FAAP20: variants seen among roughly 807,000 people sequenced by gnomAD.
FAAP20 encodes FA core complex associated protein 20.
FAAP20 carries 12 observed loss-of-function variants against 16.2 expected under a neutral mutation model. The ratio of observed to expected loss-of-function variants is 0.74; its 90% CI spans 0.48 to 1.20. The LOEUF (loss-of-function observed/expected upper bound fraction) is 1.20. Ranked by LOEUF, FAAP20 falls within the 50% of genes most tolerant of loss-of-function variation. FAAP20 has a pLI of 0.00. For missense variants in FAAP20, 288 were observed against 245.8 expected (o/e 1.17, Z -1.15); for synonymous variants, 141 against 110.7 (o/e 1.27, Z -1.72).
downstream of FAAP20, among the ~76,000 whole-genome samples, chr1:2,188,718 AC>A (rs964566217): frequency 3.7e-4 from 56 of 152,148 alleles, no homozygotes; most frequent in African/African-American, 1.3e-3. Flanking sequence ...TTAAAACACC[AC>A]CGATGGTGGA....
downstream of FAAP20, among the ~76,000 whole-genome samples, chr1:2,208,660 G>C (rs902530975): frequency 1.3e-5 from 2 of 152,200 alleles, no homozygotes; most frequent in African/African-American, 4.8e-5. Flanking sequence ...GAATGTGCCT[G>C]TTTATGTAAC....
chr1:2,186,734 G>A (rs1458255692), downstream of FAAP20: 2 of 154,582 alleles, frequency 1.3e-5, no homozygotes, highest in Non-Finnish European at 2.9e-5. Flanking sequence ...GGGCTGCCGG[G>A]ACCCCACCTT....
chr1:2,194,254 A>C, intron 1 of FAAP20, 121 bp from the exon 2 acceptor site: 3 of 1,163,144 alleles, frequency 2.6e-6, no homozygotes, highest in Non-Finnish European at 3.4e-6. Flanking sequence ...GGGAAATTCG[A>C]TGGTGCGGGA....
chr1:2,191,940 T>C (rs1688279593), intron 3 of FAAP20: 2 of 985,330 alleles, frequency 2.0e-6, no homozygotes, highest in Non-Finnish European at 1.2e-6. Context: ...AAGAACATTC[T>C]ACATAGTTTG....
At chr1:2,200,852 AG>A (rs1689021450), upstream of FAAP20, 3 of 1,064,748 alleles carry the variant, frequency 2.8e-6, no homozygotes, top group African/African-American at 5.0e-5. Flanking sequence ...CAAGTGGGCC[AG>A]GAAACCTCTG....
chr1:2,187,299 TTTTC>T, downstream of FAAP20: 1 of 406,036 alleles, frequency 2.5e-6, no homozygotes, highest in Non-Finnish European at 4.9e-6. Context: ...TTTTTTTTCT[TTTTC>T]TTTTTTTTTT....
chr1:2,196,914 G>A (rs959545142), upstream of FAAP20, among the ~76,000 whole-genome samples: 1 of 152,104 alleles, frequency 6.6e-6, no homozygotes, highest in South Asian at 2.1e-4. This position sits in a 1 kb window ranked among gnomAD's most constrained non-coding sequence, Gnocchi z 4.5. Flanking sequence ...CGTGCTGGGG[G>A]TGGTGGGGGG....
downstream of FAAP20, among the ~76,000 whole-genome samples, chr1:2,186,592 G>C (rs557407971): frequency 1.3e-5 from 2 of 150,940 alleles, no homozygotes; most frequent in Non-Finnish European, 2.9e-5. Context: ...TCCAAAGACG[G>C]AAAGTTAGAA....
chr1:2,191,960 G>A, intron 3 of FAAP20: 3 of 985,492 alleles, frequency 3.0e-6, no homozygotes, highest in Non-Finnish European at 3.6e-6. Context: ...GTCAAATCCA[G>A]CATTTGACGG....
chr1:2,193,368 G>T, intron 3 of FAAP20: 1 of 558,448 alleles, frequency 1.8e-6, no homozygotes, highest in Non-Finnish European at 3.1e-6. Context: ...ATGGCCAGGT[G>T]GACCCGGGGC....
At chr1:2,204,699 G>A (rs534893095), upstream of FAAP20, among the ~76,000 whole-genome samples, 1 of 152,286 alleles carries the variant, frequency 6.6e-6, no homozygotes, top group South Asian at 2.1e-4. Context: ...AGCGGATGAT[G>A]GACTTGTGCT....
At chr1:2,185,019 C>T (rs372211804), downstream of FAAP20, 22 of 1,604,750 alleles carry the variant, frequency 1.4e-5, no homozygotes, top group African/African-American at 1.5e-4. Context: ...AGGCCGCGTG[C>T]GTCTCTGTCG....
intron 3 of FAAP20, chr1:2,190,029 C>T: frequency 1.7e-6 from 1 of 603,552 alleles, no homozygotes; most frequent in Non-Finnish European, 3.1e-6. Flanking sequence ...GGTGGGGAAG[C>T]TGTGTCTCAA....
chr1:2,194,230 T>C, intron 1 of FAAP20, 97 bp from the exon 2 acceptor site: 5 of 1,395,734 alleles, frequency 3.6e-6, no homozygotes, highest in Non-Finnish European at 4.7e-6. Flanking sequence ...AGCGGGGAGA[T>C]GGGGGGTACT....
chr1:2,186,074 A>C (rs974316979), downstream of FAAP20: 19 of 453,836 alleles, frequency 4.2e-5, no homozygotes, highest in Non-Finnish European at 6.7e-5. Context: ...GCCAGGTGTC[A>C]GGTGTGGCAG....
chr1:2,211,666 G>C (rs1185334101), downstream of FAAP20, among the ~76,000 whole-genome samples: 1 of 150,456 alleles, frequency 6.6e-6, no homozygotes, highest in Non-Finnish European at 1.5e-5. Context: ...AGCCAGGATG[G>C]TCTCCATCTC....
chr1:2,190,304 G>A (rs1184235674), intron 3 of FAAP20: 3 of 456,282 alleles, frequency 6.6e-6, no homozygotes, highest in Non-Finnish European at 1.3e-5. Context: ...CGTGCAGGCT[G>A]CCAACCTGCC....
upstream of FAAP20, among the ~76,000 whole-genome samples, chr1:2,197,145 C>T (rs117753008): frequency 1.5e-3 from 223 of 152,366 alleles, 3 homozygotes; most frequent in East Asian, 0.039. Context: ...GAAACTCAGG[C>T]CCCTGCCCTG....
chr1:2,189,774 G>T lies in FAAP20; in HGVS notation c.478C>A (p.Gln160Lys), dbSNP rs1393692144. The change falls in exon 4 of 4, where the codon CAG becomes AAG. Residue 160 changes from glutamine (Q) to lysine (K), a missense_variant. Coordinates refer to ENST00000378546, the MANE Select transcript of FAAP20 (RefSeq NM_182533.4). ...CQKEFAPRLT[Q>K]LDVDSHLAQC... Reference sequence around the variant, plus strand: ...GCCAGGTGGCTGTCAACATCCAGCTGGGTCAGCCTGCAAGGGAGGGGCCAC... The same window carrying T: ...GCCAGGTGGCTGTCAACATCCAGCTTGGTCAGCCTGCAAGGGAGGGGCCAC... 2 of 1,612,028 alleles carry T rather than the reference G, an allele frequency of 1.2e-6. No individual in the cohort carries two copies. The highest frequency in any genetic ancestry group is 1.3e-5 in the African/African-American group (1 of 74,916).
Sources: allele counts gnomAD v4.1 joint callset (sites outside exome capture counted in the v4.1 genomes callset), GRCh38; gene constraint gnomAD v4.1.1; non-coding constraint Gnocchi (gnomAD v3.1); transcripts MANE v1.5; gene names NCBI Gene and HGNC (gene_info 2026-07-23, HGNC 2026-07-21).